AGMO: variants seen among roughly 807,000 people sequenced by gnomAD.
AGMO encodes glyceryl-ether monooxygenase.
Under a neutral mutation model 60.2 loss-of-function variants are expected in AGMO, and 75 were observed. The ratio of observed to expected loss-of-function variants is 1.25; its 90% CI spans 1.03 to 1.51. AGMO has a LOEUF of 1.51. Ranked by LOEUF, AGMO falls within the 40% of genes most tolerant of loss-of-function variation. AGMO has a pLI of 0.00. For synonymous variants in AGMO, 261 were observed against 177.1 expected, an observed-to-expected ratio of 1.47 and a Z score of -3.76; for missense variants, 763 against 525.5, an observed-to-expected ratio of 1.45 and a Z score of -4.42.
chr7:15,265,221 G>A (rs1422300903), intron 12 of AGMO, among the ~76,000 whole-genome samples: 3 of 152,066 alleles, frequency 2.0e-5, no homozygotes, highest in Non-Finnish European at 1.5e-5. Context: ...TTACAAGTGG[G>A]AGCTAAACAT....
intron 3 of AGMO, among the ~76,000 whole-genome samples, chr7:15,527,929 GA>G (rs201334911): frequency 6.6e-6 from 1 of 150,560 alleles, no homozygotes; most frequent in Non-Finnish European, 1.5e-5. Flanking sequence ...GTATTGCTCT[GA>G]AAAAAAAAGA....
At chr7:15,516,238 A>AAG (rs530178524) in intron 3 of AGMO, among the ~76,000 whole-genome samples, 268 of 151,582 alleles carry the variant, frequency 1.8e-3, no homozygotes, top group Middle Eastern at 6.8e-3. Context: ...TTAAAAAAGG[A>AAG]AGAGAGAGAG....
At chr7:15,396,286 T>TA (rs1784377652) in intron 5 of AGMO, 1 of 152,314 alleles carries the variant, frequency 6.6e-6, no homozygotes, top group African/African-American at 2.4e-5. Flanking sequence ...GGAGTTGTTC[T>TA]TCACACATGT....
intron 3 of AGMO, among the ~76,000 whole-genome samples, chr7:15,470,573 T>C (rs1327797645): frequency 6.6e-6 from 1 of 151,972 alleles, no homozygotes; most frequent in Non-Finnish European, 1.5e-5. Context: ...ATATGGAAAA[T>C]CCAGTATTGA....
chr7:15,455,007 A>G (rs1166015994), intron 3 of AGMO, among the ~76,000 whole-genome samples: 2 of 151,768 alleles, frequency 1.3e-5, no homozygotes, highest in Non-Finnish European at 2.9e-5. Flanking sequence ...TTATATGTCA[A>G]CTACTCACAA....
intron 12 of AGMO, among the ~76,000 whole-genome samples, chr7:15,219,258 G>A (rs1422763216): frequency 6.6e-6 from 1 of 152,184 alleles, no homozygotes; most frequent in African/African-American, 2.4e-5. Context: ...ACAATGCAGT[G>A]TGCTGTGTGC....
At chr7:15,328,619 A>ACC (rs1781416113) in intron 12 of AGMO, among the ~76,000 whole-genome samples, 1 of 152,218 alleles carries the variant, frequency 6.6e-6, no homozygotes, top group Non-Finnish European at 1.5e-5. Context: ...GGAAGCAGCC[A>ACC]TTAAGGGTTT....
intron 12 of AGMO, among the ~76,000 whole-genome samples, chr7:15,352,494 A>G (rs1782282155): frequency 6.7e-6 from 1 of 149,724 alleles, no homozygotes; most frequent in Non-Finnish European, 1.5e-5. Context: ...AAGAATAATG[A>G]GCAGCTTTTC....
At chr7:15,340,941 C>G (rs1583427944) in intron 12 of AGMO, among the ~76,000 whole-genome samples, 5 of 152,072 alleles carry the variant, frequency 3.3e-5, no homozygotes, top group African/African-American at 1.2e-4. Context: ...CCTGAAAAAG[C>G]CACAGGCAAT....
At chr7:15,314,659 T>G (rs966637750) in intron 12 of AGMO, among the ~76,000 whole-genome samples, 1 of 152,182 alleles carries the variant, frequency 6.6e-6, no homozygotes, top group African/African-American at 2.4e-5. Context: ...TATAAAATAA[T>G]AGTGATGTGG....
At chr7:15,419,772 T>C (rs1375728427) in intron 4 of AGMO, among the ~76,000 whole-genome samples, 1 of 152,000 alleles carries the variant, frequency 6.6e-6, no homozygotes, top group African/African-American at 2.4e-5. Context: ...TAGTCCATGT[T>C]TCCACTAGAG....
chr7:15,198,219 G>C (rs1025880667), downstream of AGMO, among the ~76,000 whole-genome samples: 3 of 103,078 alleles, frequency 2.9e-5, no homozygotes, highest in East Asian at 4.5e-4. Context: ...GAGAGAGAGA[G>C]AGAGAGAGAG....
rs890426434 is a variant in AGMO, at chr7:15,396,718, T to C, written c.610-2539A>G. The C allele has an allele frequency of 1.4e-4, 22 of 151,902 alleles. No homozygotes were observed. In the South Asian group the frequency reaches 1.9e-3, roughly 13 times the overall value. 9.4% of individuals were successfully genotyped at this position (151,902 alleles called of 1,614,324 possible). A position where few individuals can be genotyped will look rare whatever the true frequency, so the allele number is the denominator to read the frequency against. ...ATTGGTCCACTTTACAGAGAGCTGATTGGTCCACTTTACAGAGAGCTGATT... is the reference window on the plus strand; with the variant it reads ...ATTGGTCCACTTTACAGAGAGCTGACTGGTCCACTTTACAGAGAGCTGATT... On this transcript the variant is annotated intron_variant, in intron 5 of 12. Coordinates refer to ENST00000342526, the MANE Select transcript of AGMO (RefSeq NM_001004320.2).
At chr7:15,356,095 G>T (rs1205884205) in intron 12 of AGMO, among the ~76,000 whole-genome samples, 5 of 152,146 alleles carry the variant, frequency 3.3e-5, no homozygotes, top group African/African-American at 1.2e-4. Flanking sequence ...GGTGAGGAAA[G>T]GTCCACTGAT....
At chr7:15,491,710 A>T (rs952983631) in intron 3 of AGMO, among the ~76,000 whole-genome samples, 2 of 152,072 alleles carry the variant, frequency 1.3e-5, no homozygotes, top group Non-Finnish European at 2.9e-5. Context: ...TGCAAAATTC[A>T]CTCTTTCGCA....
chr7:15,182,806 G>C, the AGMO span, among the ~76,000 whole-genome samples: 1 of 152,246 alleles, frequency 6.6e-6, no homozygotes, highest in East Asian at 1.9e-4. Flanking sequence ...AGGTTTAATT[G>C]GTTCATGGTT....
chr7:15,427,115 A>C (rs986963253), intron 4 of AGMO, among the ~76,000 whole-genome samples: 1 of 152,200 alleles, frequency 6.6e-6, no homozygotes, highest in African/African-American at 2.4e-5. Flanking sequence ...AGTTAAAAGT[A>C]ATATTGGCTG....
intron 3 of AGMO, among the ~76,000 whole-genome samples, chr7:15,502,439 T>C (rs1313284134): frequency 1.3e-5 from 2 of 151,968 alleles, no homozygotes; most frequent in Non-Finnish European, 2.9e-5. Context: ...TAATAAACAA[T>C]GGACCTCTTA....
intron 12 of AGMO, among the ~76,000 whole-genome samples, chr7:15,328,423 G>A (rs775079310): frequency 1.3e-5 from 2 of 152,138 alleles, no homozygotes; most frequent in African/African-American, 2.4e-5. Flanking sequence ...GAATAATTGA[G>A]GCTAAGTAAG....
Sources: allele counts gnomAD v4.1 joint callset (sites outside exome capture counted in the v4.1 genomes callset), GRCh38; gene constraint gnomAD v4.1.1; transcripts MANE v1.5; gene names NCBI Gene and HGNC (gene_info 2026-07-23, HGNC 2026-07-21).